The following UGT2A2 variants were observed in gnomAD, a reference collection of about 807,000 sequenced individuals.
UGT2A2 encodes UDP glucuronosyltransferase family 2 member A2.
Under a neutral mutation model 50.7 loss-of-function variants are expected in UGT2A2, and 60 were observed. That is an observed-to-expected ratio of 1.18 (90% CI 0.96 to 1.47). The LOEUF (loss-of-function observed/expected upper bound fraction) is 1.47, where lower values mean the gene tolerates loss of function less well. UGT2A2 is among the 40% of genes most tolerant of loss of function. The probability of loss-of-function intolerance (pLI) is 0.00; values close to 1 mark genes in which losing one functional copy is unlikely to be tolerated. For missense variants in UGT2A2, 762 were observed against 634.0 expected, an observed-to-expected ratio of 1.20 and a Z score of -2.17; for synonymous variants, 242 against 214.6, an observed-to-expected ratio of 1.13 and a Z score of -1.11.
chr4:69,601,338 G>T (rs1489591361), intron 1 of UGT2A2, among the ~76,000 whole-genome samples: 1 of 152,128 alleles, frequency 6.6e-6, no homozygotes, highest in Non-Finnish European at 1.5e-5. Flanking sequence ...TGCCCTGGTG[G>T]CTTAACAGAA....
intron 1 of UGT2A2, among the ~76,000 whole-genome samples, chr4:69,621,113 C>T (rs1027452785): frequency 1.3e-5 from 2 of 151,942 alleles, no homozygotes; most frequent in Middle Eastern, 3.4e-3. Flanking sequence ...GACAAAGATG[C>T]CGAAAGCAAT....
At chr4:69,617,769 A>C (rs958187317) in intron 1 of UGT2A2, among the ~76,000 whole-genome samples, 1 of 151,868 alleles carries the variant, frequency 6.6e-6, no homozygotes, top group African/African-American at 2.4e-5. Flanking sequence ...TACACTTACT[A>C]TCTAGGATTT....
At chr4:69,591,720 G>A (rs975337598) in intron 5 of UGT2A2, among the ~76,000 whole-genome samples, 2 of 151,952 alleles carry the variant, frequency 1.3e-5, no homozygotes, top group Admixed American at 6.6e-5. Flanking sequence ...TTTATTTTTG[G>A]TTTACAGTTT....
chr4:69,609,338 C>T (rs6600791), intron 1 of UGT2A2, among the ~76,000 whole-genome samples: 121,213 of 151,760 alleles, frequency 0.8, 48,603 homozygotes, highest in African/African-American at 0.87. Flanking sequence ...TTCTTTTCTA[C>T]TATTTTTTAT....
intron 5 of UGT2A2, among the ~76,000 whole-genome samples, chr4:69,592,464 C>A (rs1432324): frequency 0.39 from 59,282 of 151,636 alleles, 11,834 homozygotes; most frequent in East Asian, 0.56. Context: ...ACAATAATAG[C>A]GGGAGGGTAA....
chr4:69,620,980 A>G (rs1720719769), intron 1 of UGT2A2, among the ~76,000 whole-genome samples: 1 of 152,218 alleles, frequency 6.6e-6, no homozygotes, highest in East Asian at 1.9e-4. Flanking sequence ...CCCCTTTCTT[A>G]CACCATATAC....
At chr4:69,627,231 T>A (rs1033731729) in intron 1 of UGT2A2, among the ~76,000 whole-genome samples, 38 of 151,816 alleles carry the variant, frequency 2.5e-4, no homozygotes, top group African/African-American at 8.7e-4. Context: ...TAAGTCTTAA[T>A]AAATATGTGA....
rs141536104 is a variant in UGT2A2, at chr4:69,613,384, C to A, written c.743-13990G>T. The stretch of plus-strand genomic sequence containing the variant: ...AAAGCCCAGGACCTGAAGACTTTCA[C>A]TGTTGAATTCTACCAAACATTTGAA... On this transcript the variant is annotated intron_variant, in intron 1 of 5. Transcript: ENST00000604629. 2.0e-4 allele frequency among the ~76,000 whole-genome samples: 30 copies of A among 152,090 alleles called. 1 individual carries two copies. Among genetic ancestry groups the A allele is most frequent in the Admixed American group, 1.9e-3 (29 of 15,258 alleles).
rs1021063893 is a variant in UGT2A2, at chr4:69,603,886, G to A, written c.743-4492C>T. 2.9e-5 allele frequency among the ~76,000 whole-genome samples: 4 copies of A among 135,962 alleles called. 1 individual carries two copies. The highest frequency in any genetic ancestry group is 9.0e-5 in the African/African-American group (3 of 33,494). The allele number at this position is 135,962 out of a possible 152,430, so 89.2% of individuals were successfully genotyped here. On this transcript the variant is annotated intron_variant, in intron 1 of 5. Coordinates refer to ENST00000604629, the MANE Select transcript of UGT2A2 (RefSeq NM_001105677.2). ...TAGAGAAAAAAGAATAAAAAGAAACGAACAAAGCCTCCAAGAAATATGGGA... is the reference window on the plus strand; with the variant it reads ...TAGAGAAAAAAGAATAAAAAGAAACAAACAAAGCCTCCAAGAAATATGGGA...
intron 5 of UGT2A2, among the ~76,000 whole-genome samples, chr4:69,593,956 A>G (rs981285681): frequency 8.0e-5 from 12 of 150,932 alleles, no homozygotes; most frequent in South Asian, 4.2e-4. Context: ...TATTGAAATA[A>G]TATTTGAAGT....
rs140335310 is a variant in UGT2A2 at position 69,609,290 on chromosome 4, C to G, written c.743-9896G>C. On this transcript the variant is annotated intron_variant, in intron 1 of 5. Coordinates refer to ENST00000604629, the MANE Select transcript of UGT2A2 (RefSeq NM_001105677.2). ...ACCTCAGCCTCTCAGTAGCTGGGACCAGAGGTGCACAACACCAAACCTAGC... is the reference window on the plus strand; with the variant it reads ...ACCTCAGCCTCTCAGTAGCTGGGACGAGAGGTGCACAACACCAAACCTAGC... Among the ~76,000 whole-genome samples, 777 of 152,026 alleles carry G rather than the reference C, an allele frequency of 5.1e-3. 9 individuals carry two copies. The highest frequency in any genetic ancestry group is 0.017 in the African/African-American group (711 of 41,476).
At chr4:69,609,283 C>G (rs911954633) in intron 1 of UGT2A2, among the ~76,000 whole-genome samples, 3 of 151,970 alleles carry the variant, frequency 2.0e-5, no homozygotes, top group Non-Finnish European at 4.4e-5. Flanking sequence ...CTCTCAGTAG[C>G]TGGGACCAGA....
intron 1 of UGT2A2, among the ~76,000 whole-genome samples, chr4:69,605,753 C>T (rs1277495810): frequency 1.5e-5 from 2 of 136,540 alleles, no homozygotes; most frequent in African/African-American, 5.9e-5. Context: ...CACCACCGAT[C>T]CCACAGAAAT....
At chr4:69,611,694 C>G (rs759339352) in intron 1 of UGT2A2, among the ~76,000 whole-genome samples, 3 of 152,000 alleles carry the variant, frequency 2.0e-5, no homozygotes, top group Non-Finnish European at 4.4e-5. Context: ...GTTCCCTTTA[C>G]AAATCACTTT....
At chr4:69,592,127 A>G (rs995288465) in intron 5 of UGT2A2, among the ~76,000 whole-genome samples, 4 of 152,162 alleles carry the variant, frequency 2.6e-5, no homozygotes, top group African/African-American at 9.7e-5. Context: ...GGCAAAGGTC[A>G]CTGAATAGAT....
At chr4:69,598,694 T>C (rs538339044) in intron 2 of UGT2A2, among the ~76,000 whole-genome samples, 2 of 152,230 alleles carry the variant, frequency 1.3e-5, no homozygotes, top group Non-Finnish European at 2.9e-5. Context: ...AAACTCACCA[T>C]TGTCAACTCA....
chr4:69,625,119 C>A (rs1307902472), intron 1 of UGT2A2, among the ~76,000 whole-genome samples: 2 of 150,752 alleles, frequency 1.3e-5, no homozygotes, highest in South Asian at 4.2e-4. Context: ...GGTGTAATTG[C>A]TGTTTTGTAG....
At chr4:69,616,017 C>G (rs1328343146) in intron 1 of UGT2A2, among the ~76,000 whole-genome samples, 1 of 151,978 alleles carries the variant, frequency 6.6e-6, no homozygotes, top group Non-Finnish European at 1.5e-5. Context: ...ATATGTGCAT[C>G]AATGGGTGAA....
chr4:69,635,656 C>A, intron 1 of UGT2A2: 1 of 224,348 alleles, frequency 4.5e-6, no homozygotes, highest in Non-Finnish European at 9.2e-6. Flanking sequence ...ATGGTGAAAC[C>A]TCGTCTCTAT....
Sources: gnomAD v4.1 joint callset for allele counts (sites outside exome capture counted in the v4.1 genomes callset) on GRCh38, gnomAD v4.1.1 for gene constraint, MANE v1.5 for transcripts, NCBI Gene and HGNC (gene_info 2026-07-23, HGNC 2026-07-21) for gene names.